Variants in C17orf58 observed in about 807,000 individuals in gnomAD.
C17orf58 encodes the protein chromosome 17 open reading frame 58.
Under a neutral mutation model 7.4 loss-of-function variants are expected in C17orf58, and 5 were observed. The observed-to-expected ratio is 0.67, with a 90% CI of 0.35 to 1.42. The LOEUF (loss-of-function observed/expected upper bound fraction) is 1.42. Ranked by LOEUF, C17orf58 falls within the 40% of genes most tolerant of loss-of-function variation. The pLI is 0.04. For missense variants in C17orf58, 162 were observed against 174.2 expected (o/e 0.93, Z 0.40); for synonymous variants, 60 against 70.6 (o/e 0.85, Z 0.75).
At chr17:67,992,172 C>T in intron 3 of C17orf58, 69 bp from the exon 4 acceptor site, 4 of 1,312,008 alleles carry the variant, frequency 3.0e-6, no homozygotes, top group Admixed American at 4.8e-5. Context: ...AATGTAAGGC[C>T]TTTAAGAAAC....
intron 3 of C17orf58, 105 bp downstream of exon 3, chr17:67,992,939 G>A (rs782192091): frequency 9.3e-6 from 15 of 1,613,878 alleles, no homozygotes; most frequent in Middle Eastern, 3.3e-4. Context: ...GTTTCCCATC[G>A]CTCCCAAAAA....
chr17:67,993,758 C>G lies in C17orf58; in HGVS notation c.303G>C (p.Pro101=), dbSNP rs1368908299. The change falls in exon 2 of 4, where the codon CCG becomes CCC. Residue 101 remains proline (P), a synonymous_variant. Transcript: ENST00000580729. This position sits in a 1 kb window ranked among gnomAD's most constrained non-coding sequence, Gnocchi z 5.1. ...TCTCGGCTTGCGCCAGGCGCGGGCC[C>G]GGCGGGCCAGCGGGCGCGCGTGCGG... is the stretch of plus-strand genomic sequence containing the variant. ...REAARAPAGP[P]GPRLAQAENR... 6.4e-6 allele frequency: 1 copy of G among 156,372 alleles called. No homozygotes were observed. Among genetic ancestry groups the G allele is most frequent in the Non-Finnish European group, 1.4e-5 (1 of 72,938 alleles). 9.7% of individuals were successfully genotyped at this position (156,372 alleles called of 1,614,324 possible).
At chr17:67,994,516 G>GCATATATA (rs1555699619) in intron 1 of C17orf58, among the ~76,000 whole-genome samples, 5 of 89,534 alleles carry the variant, frequency 5.6e-5, no homozygotes, top group Non-Finnish European at 7.3e-5. Flanking sequence ...GTGTGTGTGT[G>GCATATATA]TATATATATA....
Position 67,993,791 on chromosome 17 carries a change from G to A in C17orf58, c.270C>T (p.Phe90=), listed in dbSNP as rs1209609801. 4.4e-6 allele frequency: 1 copy of A among 226,122 alleles called. No individual in the cohort carries two copies. Among genetic ancestry groups the A allele is most frequent in the African/African-American group, 2.4e-5 (1 of 42,004 alleles). 14.0% of individuals were successfully genotyped at this position (226,122 alleles called of 1,614,324 possible). A position where few individuals can be genotyped will look rare whatever the true frequency, so the allele number is the denominator to read the frequency against. The change falls in exon 2 of 4, where the codon TTC becomes TTT. Residue 90 remains phenylalanine, a synonymous_variant. Coordinates refer to ENST00000580729, the MANE Select transcript of C17orf58 (RefSeq NM_001382359.1). This position sits in a 1 kb window ranked among gnomAD's most constrained non-coding sequence, Gnocchi z 5.1. ...CAGCGGGCGCGCGTGCGGCCTCCCG[G>A]AAGCTGGCCTGGTTGTCGGCCGGCG... is the stretch of plus-strand genomic sequence containing the variant. ...PPPPADNQAS[F]REAARAPAGP... is the part of the protein sequence containing the mutation.
chr17:67,994,537 A>ATATATATATATATATATAT (rs1555699628), intron 1 of C17orf58, among the ~76,000 whole-genome samples: 1 of 39,958 alleles, frequency 2.5e-5, no homozygotes, highest in African/African-American at 5.8e-5. Flanking sequence ...TATATATATA[A>ATATATATATATATATATAT]AACATATATA....
At chr17:67,994,535 T>TATATATATATAAAAAA (rs71142122) in intron 1 of C17orf58, among the ~76,000 whole-genome samples, 4 of 100,310 alleles carry the variant, frequency 4.0e-5, no homozygotes, top group African/African-American at 1.3e-4. Flanking sequence ...TATATATATA[T>TATATATATATAAAAAA]AAAACATATA....
chr17:67,994,508 GTGTGTGTGTATA>G (rs1479341125), intron 1 of C17orf58, among the ~76,000 whole-genome samples: 6 of 55,968 alleles, frequency 1.1e-4, no homozygotes, highest in Admixed American at 4.3e-4. Flanking sequence ...GTGTGTGTGT[GTGTGTGTGTATA>G]TATATATATA....
intron 3 of C17orf58, 49 bp from the exon 4 acceptor site, chr17:67,992,152 T>C: frequency 1.4e-6 from 2 of 1,466,066 alleles, no homozygotes; most frequent in Non-Finnish European, 1.8e-6. Flanking sequence ...TTAAATGCCA[T>C]GAAACAGAAA....
At position 67,991,921 on chromosome 17, in the gene C17orf58, A is replaced by C; in HGVS notation, c.1012T>G (p.Cys338Gly). The C allele has an allele frequency of 1.2e-6, 2 of 1,601,002 alleles. No individual in the cohort carries two copies. Among genetic ancestry groups the C allele is most frequent in the Non-Finnish European group, 1.7e-6 (2 of 1,173,408 alleles). Reference sequence around the variant, plus strand: ...ATGCCAGGATGGTTGTTTCAAATGCATTGGGTATGAATTGCACCTTGAATC... The same window carrying C: ...ATGCCAGGATGGTTGTTTCAAATGCCTTGGGTATGAATTGCACCTTGAATC... ...GQIQGAIHTQCI is the reference protein window; with the variant it reads ...GQIQGAIHTQGI Residue 338 changes from cysteine (C) to glycine (G), a missense_variant, in exon 4 of 4, where the codon TGC (cysteine) becomes GGC (glycine). Cys to Gly is a radical substitution (Grantham distance 159). This residue lies in a region of C17orf58 where 65 missense variants were observed against 66.4 expected (regional missense o/e 0.98). Transcript: ENST00000580729.
chr17:67,993,289 T>C lies in C17orf58; in HGVS notation c.638-54A>G. On this transcript the variant is annotated intron_variant, in intron 2 of 3. Coordinates refer to ENST00000580729, the MANE Select transcript of C17orf58 (RefSeq NM_001382359.1). This position sits in a 1 kb window ranked among gnomAD's most constrained non-coding sequence, Gnocchi z 5.1. ...GCATTACCCCGAGTTCCTCTCCCAG[T>C]CCCCCAGGAGGTGGTTTTTAGCAAC... 1.7e-6 allele frequency: 2 copies of C among 1,159,828 alleles called. No homozygotes were observed. The highest frequency in any genetic ancestry group is 2.6e-5 in the East Asian group (1 of 38,754). The allele number at this position is 1,159,828 out of a possible 1,614,324, so 71.8% of individuals were successfully genotyped here.
intron 3 of C17orf58, among the ~76,000 whole-genome samples, chr17:67,992,536 C>T (rs1198820352): frequency 5.2e-5 from 7 of 133,380 alleles, no homozygotes; most frequent in African/African-American, 2.0e-4. Context: ...CCACTGCACT[C>T]CAGCCTGGGC....
In C17orf58 at chr17:67,993,231, C is replaced by T. The variant is rs1275749403; in HGVS notation, c.642G>A (p.Val214=). 6.4e-7 allele frequency: 1 copy of T among 1,556,998 alleles called. No individual in the cohort carries two copies. Among genetic ancestry groups the T allele is most frequent in the Non-Finnish European group, 8.8e-7 (1 of 1,140,156 alleles). Residue 214 remains valine (V), a synonymous_variant, in exon 3 of 4, where the codon GTG becomes GTA. Transcript: ENST00000580729. The surrounding 1 kb of genome is among the most constrained non-coding windows in gnomAD (Gnocchi z 5.1). ...CGTCCACATCGTGCACGATCCCGTT[C>T]ACCGCTGCTTCCGAAAAACAGTTTG... ...REAFCESEFA[V]NGIVHDVDVL...
rs1251350113 is a variant in C17orf58 at position 67,991,133 on chromosome 17, C to G, written c.*780G>C. The G allele has an allele frequency of 6.6e-6, 1 of 152,052 alleles. No individual in the cohort carries two copies. Among genetic ancestry groups the G allele is most frequent in the Non-Finnish European group, 1.5e-5 (1 of 68,020 alleles). The allele number at this position is 152,052 out of a possible 1,614,324, so 9.4% of individuals were successfully genotyped here. A position where few individuals can be genotyped will look rare whatever the true frequency, so the allele number is the denominator to read the frequency against. ...AAGTCAAGATTTATTGCTTTACAAA[C>G]AAACATTATACTTGGTCTTAATAGA... On this transcript the variant is annotated 3_prime_UTR_variant, in exon 4 of 4. Coordinates refer to ENST00000580729, the MANE Select transcript of C17orf58 (RefSeq NM_001382359.1).
intron 3 of C17orf58, 126 bp from the exon 4 acceptor site, chr17:67,992,229 T>C (rs2070840438): frequency 1.9e-5 from 16 of 845,560 alleles, no homozygotes; most frequent in South Asian, 1.9e-4. Flanking sequence ...GAAACTGATA[T>C]TGAGTCTACA....
intron 3 of C17orf58, 134 bp downstream of exon 3, chr17:67,992,910 A>G: frequency 6.2e-7 from 1 of 1,614,020 alleles, no homozygotes; most frequent in Non-Finnish European, 8.5e-7. Context: ...CCTGTCGTCT[A>G]AATCCCATTC....
intron 1 of C17orf58, 100 bp downstream of exon 1, chr17:67,996,023 T>C (rs2070888822): frequency 5.0e-6 from 2 of 398,556 alleles, no homozygotes; most frequent in Non-Finnish European, 8.9e-6. Flanking sequence ...TTGCGAGCTC[T>C]GACCCCCCTC....
chr17:67,993,699 T>G lies in C17orf58; in HGVS notation c.362A>C (p.Glu121Ala), dbSNP rs2070863908. The G allele has an allele frequency of 6.9e-6, 1 of 144,960 alleles. No homozygotes were observed. Among genetic ancestry groups the G allele is most frequent in the Admixed American group, 6.9e-5 (1 of 14,530 alleles). 9.0% of individuals were successfully genotyped at this position (144,960 alleles called of 1,614,324 possible). A position where few individuals can be genotyped will look rare whatever the true frequency, so the allele number is the denominator to read the frequency against. ...TGAGCGCGCGCGTCGCGGGGCGTCC[T>G]CCGACGCGGGCTCGCGGCGCGGCGA... ...RASPRREPAS[E>A]DAPRRARSRA... Residue 121 changes from glutamate (E) to alanine (A), a missense_variant, in exon 2 of 4, where the codon GAG (glutamate) becomes GCG (alanine). Coordinates refer to ENST00000580729, the MANE Select transcript of C17orf58 (RefSeq NM_001382359.1). The surrounding 1 kb of genome is among the most constrained non-coding windows in gnomAD (Gnocchi z 5.1).
At chr17:67,992,959 C>T (rs782391206) in intron 3 of C17orf58, 85 bp downstream of exon 3, 6 of 1,614,174 alleles carry the variant, frequency 3.7e-6, no homozygotes, top group East Asian at 2.2e-5. Flanking sequence ...AAAGGCTGGG[C>T]GACCTACAGC....
intron 3 of C17orf58, chr17:67,992,806 T>C: frequency 7.0e-7 from 1 of 1,425,484 alleles, no homozygotes; most frequent in Non-Finnish European, 9.5e-7. Flanking sequence ...TCAACATCTA[T>C]TTATTGACAG....
Sources: gnomAD v4.1 joint callset for allele counts (sites outside exome capture counted in the v4.1 genomes callset) on GRCh38, gnomAD v4.1.1 for gene constraint, gnomAD v4.1.1 regional missense constraint, Gnocchi (gnomAD v3.1) non-coding constraint, MANE v1.5 for transcripts, NCBI Gene and HGNC (gene_info 2026-07-23, HGNC 2026-07-21) for gene names.